Variants in UBE2QL1 observed in about 807,000 individuals in gnomAD.
UBE2QL1 encodes the protein ubiquitin-conjugating enzyme E2Q-like protein 1.
A neutral mutation model predicts 12.6 loss-of-function variants in UBE2QL1; 5 were observed. The observed-to-expected ratio is 0.40, with a 90% CI of 0.21 to 0.83. UBE2QL1 has a LOEUF of 0.83. Among genes scored for constraint, UBE2QL1 ranks in the 40% least tolerant of loss-of-function variants. The pLI is 0.37. For missense variants in UBE2QL1, 99 were observed against 222.6 expected (o/e 0.44, Z 3.53); for synonymous variants, 96 against 94.5 (o/e 1.02, Z -0.10).
At chr5:6,457,288 C>T (rs1339180195) in intron 1 of UBE2QL1, among the ~76,000 whole-genome samples, 1 of 151,952 alleles carries the variant, frequency 6.6e-6, no homozygotes, top group Non-Finnish European at 1.5e-5. Context: ...AAAAACCCTG[C>T]CCAGATGCCC....
At chr5:6,474,815 G>A (rs961026391) in intron 1 of UBE2QL1, among the ~76,000 whole-genome samples, 25 of 152,308 alleles carry the variant, frequency 1.6e-4, no homozygotes, top group Non-Finnish European at 2.5e-4. Context: ...CTCACACGTG[G>A]TGAGAAGGGG....
rs147090295 is a variant in UBE2QL1, at chr5:6,457,756, C to T, written c.354+8509C>T. ...CAGGCAACCAGTCCAGTGCCAGAGCCACCTGGTCCTGAGGAGGTGTCTAGT... is the reference window on the plus strand; with the variant it reads ...CAGGCAACCAGTCCAGTGCCAGAGCTACCTGGTCCTGAGGAGGTGTCTAGT... On this transcript the variant is annotated intron_variant, in intron 1 of 1. Transcript: ENST00000399816. Among the ~76,000 whole-genome samples the T allele has an allele frequency of 2.3e-3, 351 of 152,348 alleles. 2 individuals are homozygous for T. Among genetic ancestry groups the T allele is most frequent in the African/African-American group, 8.0e-3 (332 of 41,586 alleles).
At chr5:6,466,948 A>T (rs73739322) in intron 1 of UBE2QL1, among the ~76,000 whole-genome samples, 6,496 of 152,290 alleles carry the variant, frequency 0.043, 219 homozygotes, top group African/African-American at 0.086. Context: ...GAGGCACTAA[A>T]TGGAGGAGGC....
At chr5:6,471,467 G>A (rs916168480) in intron 1 of UBE2QL1, among the ~76,000 whole-genome samples, 1 of 152,196 alleles carries the variant, frequency 6.6e-6, no homozygotes, top group Middle Eastern at 3.2e-3. Context: ...GCAGTCCCTG[G>A]GTGGTGTTGG....
chr5:6,470,361 T>C (rs1037051064), intron 1 of UBE2QL1, among the ~76,000 whole-genome samples: 2 of 152,246 alleles, frequency 1.3e-5, no homozygotes, highest in African/African-American at 4.8e-5. Context: ...AGAATTATAA[T>C]GGTATATGTT....
chr5:6,483,483 C>T (rs769323631), intron 1 of UBE2QL1, among the ~76,000 whole-genome samples: 2 of 151,840 alleles, frequency 1.3e-5, no homozygotes, highest in East Asian at 1.9e-4. Context: ...ATGTGATGCA[C>T]GGCAGGTGTG....
At chr5:6,453,191 G>A (rs768679794) in intron 1 of UBE2QL1, among the ~76,000 whole-genome samples, 33 of 152,204 alleles carry the variant, frequency 2.2e-4, no homozygotes, top group Non-Finnish European at 1.8e-4. Context: ...TTTGATGGTC[G>A]TTGTACAGGT....
At chr5:6,490,260 C>T (rs1263413288) in intron 1 of UBE2QL1, among the ~76,000 whole-genome samples, 4 of 152,254 alleles carry the variant, frequency 2.6e-5, no homozygotes, top group African/African-American at 9.6e-5. Context: ...GCCAGCATCA[C>T]CCCGACTCCT....
At chr5:6,469,209 T>A (rs992738377) in intron 1 of UBE2QL1, among the ~76,000 whole-genome samples, 3 of 152,156 alleles carry the variant, frequency 2.0e-5, no homozygotes, top group Non-Finnish European at 1.5e-5. Context: ...GTTATCTTCA[T>A]GTGTCCAGAT....
At chr5:6,454,771 G>T (rs1739483981) in intron 1 of UBE2QL1, among the ~76,000 whole-genome samples, 1 of 152,140 alleles carries the variant, frequency 6.6e-6, no homozygotes, top group Admixed American at 6.5e-5. Flanking sequence ...GATTCGTCCA[G>T]GGAGACGTGG....
At chr5:6,488,557 G>A (rs1376797518) in intron 1 of UBE2QL1, among the ~76,000 whole-genome samples, 1 of 139,382 alleles carries the variant, frequency 7.2e-6, no homozygotes, top group African/African-American at 3.4e-5. Flanking sequence ...CTAACACTGA[G>A]AAATCAAGGT....
intron 1 of UBE2QL1, among the ~76,000 whole-genome samples, chr5:6,471,156 T>C (rs569554603): frequency 1.3e-5 from 2 of 152,368 alleles, no homozygotes; most frequent in South Asian, 4.1e-4. Context: ...CATTTTTCGT[T>C]TGATTGTTAT....
intron 1 of UBE2QL1, among the ~76,000 whole-genome samples, chr5:6,485,367 G>A (rs1311894037): frequency 1.3e-5 from 2 of 152,220 alleles, no homozygotes; most frequent in Non-Finnish European, 2.9e-5. Context: ...AAACTTACAA[G>A]TTGATTTTTT....
rs116651327 is a variant in UBE2QL1 at position 6,489,535 on chromosome 5, G to A, written c.355-1683G>A. On this transcript the variant is annotated intron_variant, in intron 1 of 1. Coordinates refer to ENST00000399816, the MANE Select transcript of UBE2QL1 (RefSeq NM_001145161.3). ...GGATATCCAGAGCAGGCAGAGTTTG[G>A]TAACCCTGGACTCCTGACTCCTCAA... Among the ~76,000 whole-genome samples, 505 of 152,332 alleles carry A rather than the reference G, an allele frequency of 3.3e-3. 2 individuals carry two copies. The highest frequency in any genetic ancestry group is 6.0e-3 in the Non-Finnish European group (409 of 68,032).
rs1734226231 is a variant in UBE2QL1, at chr5:6,476,123, A to G, written c.355-15095A>G. ...CTTAGTCATGGATGAGTATCTGGAA[A>G]GCTCAGGGAGCTTTCCAGTGGCACT... On this transcript the variant is annotated intron_variant, in intron 1 of 1. Transcript: ENST00000399816. This position sits in a 1 kb window ranked among gnomAD's most constrained non-coding sequence, Gnocchi z 4.9. Among the ~76,000 whole-genome samples, 1 of 151,868 alleles carries G rather than the reference A, an allele frequency of 6.6e-6. No individual in the cohort carries two copies.
At chr5:6,454,812 G>A (rs554182200) in intron 1 of UBE2QL1, among the ~76,000 whole-genome samples, 2 of 152,290 alleles carry the variant, frequency 1.3e-5, no homozygotes, top group East Asian at 3.9e-4. Flanking sequence ...GAGTCACTGT[G>A]TTGTGTCCTG....
At chr5:6,449,305 C>G in intron 1 of UBE2QL1, 58 bp downstream of exon 1, 1 of 1,297,324 alleles carries the variant, frequency 7.7e-7, no homozygotes, top group Non-Finnish European at 9.7e-7. Flanking sequence ...TGCAGCGCCG[C>G]CGGGCGCCCG....
intron 1 of UBE2QL1, among the ~76,000 whole-genome samples, chr5:6,462,070 C>T (rs1475614986): frequency 6.6e-6 from 1 of 152,150 alleles, no homozygotes; most frequent in African/African-American, 2.4e-5. Flanking sequence ...GGGTGATGGT[C>T]GTTTAACCTC....
chr5:6,467,156 TCTCTCTCTGCCTCCCTCCCTCCCTG>T (rs1210814932), intron 1 of UBE2QL1, among the ~76,000 whole-genome samples: 3 of 152,148 alleles, frequency 2.0e-5, no homozygotes, highest in African/African-American at 7.2e-5. Flanking sequence ...AATCTCTCTG[TCTCTCTCTGCCTCCCTCCCTCCCTG>T]CTCTCTCTCC....
Sources: gnomAD v4.1 joint callset for allele counts (sites outside exome capture counted in the v4.1 genomes callset) on GRCh38, gnomAD v4.1.1 for gene constraint, Gnocchi (gnomAD v3.1) non-coding constraint, MANE v1.5 for transcripts, NCBI Gene and HGNC (gene_info 2026-07-23, HGNC 2026-07-21) for gene names.